NALF1: variants seen among roughly 807,000 people sequenced by gnomAD.
NALF1 encodes the protein family with sequence similarity 155 member A.
Under a neutral mutation model 48.4 loss-of-function variants are expected in NALF1, and 3 were observed. That is an observed-to-expected ratio of 0.06 (90% CI 0.03 to 0.16). The LOEUF is 0.16. NALF1 is among the 10% of genes least tolerant of loss of function. NALF1 has a pLI of 1.00. For missense variants in NALF1, 526 were observed against 571.5 expected (o/e 0.92, Z 0.81); for synonymous variants, 262 against 245.7 (o/e 1.07, Z -0.62).
chr13:107,447,166 C>T (rs996345657), intron 1 of NALF1, among the ~76,000 whole-genome samples: 38 of 152,314 alleles, frequency 2.5e-4, no homozygotes, highest in African/African-American at 8.7e-4. Flanking sequence ...CCTTCCTCTT[C>T]TCCTTGGCCT....
At chr13:107,367,634 C>T (rs955143480) in intron 1 of NALF1, among the ~76,000 whole-genome samples, 5 of 152,180 alleles carry the variant, frequency 3.3e-5, no homozygotes, top group South Asian at 4.1e-4. Context: ...CAGGCTGCCC[C>T]GCAGATTTCC....
intron 1 of NALF1, among the ~76,000 whole-genome samples, chr13:107,477,642 T>C (rs577540196): frequency 3.9e-5 from 6 of 152,178 alleles, no homozygotes; most frequent in Non-Finnish European, 7.4e-5. Context: ...AACCTTCATA[T>C]CTCCTCCGTG....
At chr13:107,189,223 A>G (rs2138782664) in intron 2 of NALF1, among the ~76,000 whole-genome samples, 1 of 152,362 alleles carries the variant, frequency 6.6e-6, no homozygotes, top group East Asian at 1.9e-4. Flanking sequence ...TTTCACCAGG[A>G]GAACAAAGAC....
intron 1 of NALF1, among the ~76,000 whole-genome samples, chr13:107,586,704 G>C (rs1380144223): frequency 8.0e-6 from 1 of 124,638 alleles, no homozygotes; most frequent in Non-Finnish European, 1.6e-5. Context: ...CAAATGTAAG[G>C]AATATTGTCT....
chr13:107,240,155 T>C (rs371752111), intron 1 of NALF1, among the ~76,000 whole-genome samples: 10 of 152,320 alleles, frequency 6.6e-5, no homozygotes, highest in African/African-American at 2.4e-4. Context: ...TAACTCAGAA[T>C]GTGCCTGTGT....
intron 1 of NALF1, among the ~76,000 whole-genome samples, chr13:107,746,889 T>C (rs1163390354): frequency 6.6e-6 from 1 of 152,100 alleles, no homozygotes; most frequent in Non-Finnish European, 1.5e-5. Context: ...TATACAAAAA[T>C]GTACTCGAAA....
chr13:107,797,381 T>C (rs1878460186), intron 1 of NALF1, among the ~76,000 whole-genome samples: 1 of 151,970 alleles, frequency 6.6e-6, no homozygotes, highest in Non-Finnish European at 1.5e-5. Context: ...AATTTTTTTT[T>C]CGTATTTTTA....
intron 1 of NALF1, among the ~76,000 whole-genome samples, chr13:107,544,619 C>G (rs1456243411): frequency 1.3e-5 from 2 of 152,120 alleles, no homozygotes; most frequent in African/African-American, 2.4e-5. Flanking sequence ...CCACCACGGG[C>G]ACTCGATAGC....
chr13:107,240,239 T>C (rs970196794), intron 1 of NALF1, among the ~76,000 whole-genome samples: 8 of 152,172 alleles, frequency 5.3e-5, no homozygotes, highest in East Asian at 1.9e-4. Context: ...AAGATGGCTA[T>C]TTATGGACCA....
At chr13:107,212,508 G>A (rs923590321) in intron 1 of NALF1, among the ~76,000 whole-genome samples, 2 of 152,228 alleles carry the variant, frequency 1.3e-5, no homozygotes, top group Non-Finnish European at 2.9e-5. Context: ...AGGACAGCAA[G>A]AGGCTGCCTC....
intron 1 of NALF1, among the ~76,000 whole-genome samples, chr13:107,555,069 T>C (rs1409159463): frequency 6.6e-6 from 1 of 152,136 alleles, no homozygotes; most frequent in African/African-American, 2.4e-5. Flanking sequence ...GGAGTGATCA[T>C]TGCAATTCTC....
In NALF1 at chr13:107,203,159, T is replaced by C. The variant is rs967747102; in HGVS notation, c.1087+7425A>G. ...CAGACAAGATAGGTAAATACTCTCA[T>C]TGAATAAGATTTCACCTGTTCTGGG... On this transcript the variant is annotated intron_variant, in intron 2 of 2. Coordinates refer to ENST00000375915, the MANE Select transcript of NALF1 (RefSeq NM_001080396.3). Among the ~76,000 whole-genome samples, 4 of 152,216 alleles carry C rather than the reference T, an allele frequency of 2.6e-5. 1 individual carries two copies. In the South Asian group the frequency reaches 6.2e-4, roughly 24 times the overall value.
At chr13:107,411,308 T>G (rs1393705384) in intron 1 of NALF1, among the ~76,000 whole-genome samples, 5 of 141,844 alleles carry the variant, frequency 3.5e-5, no homozygotes, top group South Asian at 2.2e-4. Context: ...CTTGTTTTTT[T>G]TTTTTTTTTT....
intron 1 of NALF1, among the ~76,000 whole-genome samples, chr13:107,761,230 G>A (rs956407211): frequency 3.9e-5 from 6 of 152,180 alleles, no homozygotes; most frequent in South Asian, 2.1e-4. Context: ...GGTGGCAGGC[G>A]CCTGTAGTTC....
intron 1 of NALF1, among the ~76,000 whole-genome samples, chr13:107,411,528 T>C (rs1348042650): frequency 6.6e-6 from 1 of 152,110 alleles, no homozygotes; most frequent in Non-Finnish European, 1.5e-5. Context: ...ATTCAGTTGT[T>C]CAGTTGTTCA....
At chr13:107,395,136 C>A (rs1401717411) in intron 1 of NALF1, among the ~76,000 whole-genome samples, 1 of 152,134 alleles carries the variant, frequency 6.6e-6, no homozygotes, top group Admixed American at 6.6e-5. Flanking sequence ...GAAGTCCAGA[C>A]AATAATAACT....
chr13:107,194,757 A>G (rs1262113735), intron 2 of NALF1, among the ~76,000 whole-genome samples: 4 of 152,228 alleles, frequency 2.6e-5, no homozygotes, highest in Non-Finnish European at 5.9e-5. Context: ...CAGCAAAAGA[A>G]ACAATCAGCA....
At chr13:107,731,289 T>C (rs1337733333) in intron 1 of NALF1, among the ~76,000 whole-genome samples, 1 of 152,162 alleles carries the variant, frequency 6.6e-6, no homozygotes, top group Admixed American at 6.5e-5. Flanking sequence ...GGCAAAAATA[T>C]CATTTTTTAC....
At chr13:107,718,513 A>G (rs947832188) in intron 1 of NALF1, among the ~76,000 whole-genome samples, 2 of 152,188 alleles carry the variant, frequency 1.3e-5, no homozygotes, top group South Asian at 2.1e-4. Context: ...TGGCTTGAGC[A>G]AGGAGAAAAA....
Sources: gnomAD v4.1 joint callset for allele counts (sites outside exome capture counted in the v4.1 genomes callset) on GRCh38, gnomAD v4.1.1 for gene constraint, MANE v1.5 for transcripts, NCBI Gene and HGNC (gene_info 2026-07-23, HGNC 2026-07-21) for gene names.